Variants in NLK observed in about 807,000 individuals in gnomAD.
The protein encoded by NLK is nemo like kinase.
Under a neutral mutation model 59.0 loss-of-function variants are expected in NLK, and 11 were observed. The ratio of observed to expected loss-of-function variants is 0.19; its 90% CI spans 0.12 to 0.31. The LOEUF is 0.31. Among genes scored for constraint, NLK ranks in the 10% least tolerant of loss-of-function variants. The pLI is 1.00. For missense variants in NLK, 410 were observed against 661.1 expected, an observed-to-expected ratio of 0.62 and a Z score of 4.16; for synonymous variants, 235 against 235.9, an observed-to-expected ratio of 1.00 and a Z score of 0.03.
chr17:28,042,716 A>G lies in NLK; in HGVS notation c.-158A>G, dbSNP rs1908891825. On this transcript the variant is annotated 5_prime_UTR_variant, in exon 1 of 11. Coordinates refer to ENST00000407008, the MANE Select transcript of NLK (RefSeq NM_016231.5). ...CACCCTTCCACACACGCTCACCCCA[A>G]AATTAAACACCAAGATCCTCTAACT... 3 of 651,764 alleles carry G rather than the reference A, an allele frequency of 4.6e-6. No individual in the cohort carries two copies. Among genetic ancestry groups the G allele is most frequent in the South Asian group, 5.5e-5 (2 of 36,052 alleles). 40.4% of individuals were successfully genotyped at this position (651,764 alleles called of 1,614,324 possible). A position where few individuals can be genotyped will look rare whatever the true frequency, so the allele number is the denominator to read the frequency against.
intron 5 of NLK, among the ~76,000 whole-genome samples, chr17:28,165,319 T>C (rs778778436): frequency 7.2e-5 from 11 of 152,198 alleles, no homozygotes; most frequent in African/African-American, 1.2e-4. Flanking sequence ...ACCTGTCATG[T>C]TTGATGCCAT....
intron 1 of NLK, among the ~76,000 whole-genome samples, chr17:28,044,314 C>T (rs921101706): frequency 1.4e-4 from 22 of 152,120 alleles, no homozygotes; most frequent in Non-Finnish European, 2.4e-4. Flanking sequence ...TTGTTACTCC[C>T]GAGAAAAGCG....
intron 3 of NLK, among the ~76,000 whole-genome samples, chr17:28,146,030 C>T (rs1907232589): frequency 6.6e-6 from 1 of 152,110 alleles, no homozygotes; most frequent in Non-Finnish European, 1.5e-5. Context: ...TGAGTGGTTG[C>T]CAGTTTCTTT....
chr17:28,134,943 A>G (rs1184664299), intron 3 of NLK, among the ~76,000 whole-genome samples: 1 of 152,230 alleles, frequency 6.6e-6, no homozygotes, highest in East Asian at 1.9e-4. Context: ...ATTCCATTTC[A>G]TAGACTTCCT....
intron 1 of NLK, among the ~76,000 whole-genome samples, chr17:28,055,081 G>C (rs1054484113): frequency 6.6e-6 from 1 of 151,204 alleles, no homozygotes; most frequent in African/African-American, 2.4e-5. Flanking sequence ...GGGTTGTTGT[G>C]GGGATTTTTT....
chr17:28,065,182 C>CA (rs1338106321), intron 1 of NLK, among the ~76,000 whole-genome samples: 1 of 152,088 alleles, frequency 6.6e-6, no homozygotes, highest in Non-Finnish European at 1.5e-5. Flanking sequence ...CCAAGGGCCT[C>CA]AGTTTGTACA....
chr17:28,093,357 A>C (rs1372443173), intron 1 of NLK, among the ~76,000 whole-genome samples: 3 of 152,210 alleles, frequency 2.0e-5, no homozygotes, highest in African/African-American at 7.2e-5. Context: ...GCTGATCTAT[A>C]TATAATAGCA....
intron 1 of NLK, among the ~76,000 whole-genome samples, chr17:28,076,530 G>T (rs751157803): frequency 5.9e-5 from 9 of 152,106 alleles, no homozygotes; most frequent in Non-Finnish European, 1.3e-4. Context: ...ATTTTCAGGG[G>T]ACTCACACAT....
At chr17:28,068,421 A>G (rs1909906622) in intron 1 of NLK, among the ~76,000 whole-genome samples, 1 of 152,150 alleles carries the variant, frequency 6.6e-6, no homozygotes, top group Non-Finnish European at 1.5e-5. Context: ...ATATCTTCAG[A>G]TGATCCTGTT....
At chr17:28,113,548 T>C (rs1038820868) in intron 1 of NLK, among the ~76,000 whole-genome samples, 2 of 152,212 alleles carry the variant, frequency 1.3e-5, no homozygotes, top group Non-Finnish European at 2.9e-5. Flanking sequence ...TTGTAAACTG[T>C]CATGGCACTA....
chr17:28,176,163 G>A (rs532708153), intron 7 of NLK, among the ~76,000 whole-genome samples: 3 of 152,294 alleles, frequency 2.0e-5, no homozygotes, highest in South Asian at 2.1e-4. Context: ...CAGTGATGCT[G>A]CTTAGGCCAA....
At chr17:28,125,926 T>C (rs1906273028) in intron 2 of NLK, among the ~76,000 whole-genome samples, 1 of 152,210 alleles carries the variant, frequency 6.6e-6, no homozygotes, top group South Asian at 2.1e-4. Context: ...CTTGTTAACC[T>C]TACTTTGTAG....
chr17:28,157,802 A>G (rs1231360519), intron 3 of NLK, among the ~76,000 whole-genome samples: 1 of 152,228 alleles, frequency 6.6e-6, no homozygotes, highest in African/African-American at 2.4e-5. Context: ...AATTTAGGGT[A>G]CCACTACATA....
chr17:28,181,669 G>T (rs1908911237), intron 7 of NLK, among the ~76,000 whole-genome samples: 1 of 152,074 alleles, frequency 6.6e-6, no homozygotes, highest in African/African-American at 2.4e-5. Flanking sequence ...TACTGTATGG[G>T]TTCTGTGCAT....
intron 7 of NLK, among the ~76,000 whole-genome samples, chr17:28,176,725 C>G (rs1004211921): frequency 2.0e-5 from 3 of 152,132 alleles, no homozygotes; most frequent in Non-Finnish European, 4.4e-5. Flanking sequence ...AATTTTACAG[C>G]AAGTTAGTTA....
chr17:28,069,078 C>T (rs1362733447), intron 1 of NLK, among the ~76,000 whole-genome samples: 1 of 152,144 alleles, frequency 6.6e-6, no homozygotes, highest in Non-Finnish European at 1.5e-5. Context: ...CCATGCATCC[C>T]CCTCCCCCTG....
intron 3 of NLK, among the ~76,000 whole-genome samples, chr17:28,152,012 G>C (rs1907500636): frequency 6.6e-6 from 1 of 152,134 alleles, no homozygotes; most frequent in Non-Finnish European, 1.5e-5. Context: ...TTGATATCTG[G>C]TAATACTTTG....
chr17:28,187,934 C>T (rs1301844123), intron 8 of NLK, among the ~76,000 whole-genome samples: 1 of 152,170 alleles, frequency 6.6e-6, no homozygotes, highest in Non-Finnish European at 1.5e-5. Flanking sequence ...GCATAGGGCA[C>T]AGTGGCTCAC....
chr17:28,117,842 C>T (rs915778398), intron 1 of NLK, among the ~76,000 whole-genome samples: 6 of 151,918 alleles, frequency 3.9e-5, no homozygotes, highest in African/African-American at 1.2e-4. Context: ...GATGAGAATC[C>T]GTTTTTTATT....
Sources: gnomAD v4.1 joint callset for allele counts (sites outside exome capture counted in the v4.1 genomes callset) on GRCh38, gnomAD v4.1.1 for gene constraint, MANE v1.5 for transcripts, NCBI Gene and HGNC (gene_info 2026-07-23, HGNC 2026-07-21) for gene names.